EXOC6B: variants seen among roughly 807,000 people sequenced by gnomAD.
EXOC6B encodes the protein SEC15 homolog B.
EXOC6B carries 54 observed loss-of-function variants against 113.5 expected under a neutral mutation model. The ratio of observed to expected loss-of-function variants is 0.48; its 90% CI spans 0.38 to 0.60. EXOC6B has a LOEUF of 0.60. Among genes scored for constraint, EXOC6B ranks in the 20% least tolerant of loss-of-function variants. EXOC6B has a pLI of 0.00. For synonymous variants in EXOC6B, 357 were observed against 339.0 expected (o/e 1.05, Z -0.58); for missense variants, 797 against 977.5 (o/e 0.82, Z 2.46).
At chr2:72,202,353 A>G (rs564685243) in intron 20 of EXOC6B, among the ~76,000 whole-genome samples, 56 of 152,332 alleles carry the variant, frequency 3.7e-4, no homozygotes, top group African/African-American at 1.2e-3. Flanking sequence ...CCCTTTGTGA[A>G]CTTTAAAACA....
At chr2:72,434,773 G>A (rs1671574286) in intron 18 of EXOC6B, among the ~76,000 whole-genome samples, 1 of 152,020 alleles carries the variant, frequency 6.6e-6, no homozygotes, top group Non-Finnish European at 1.5e-5. Flanking sequence ...ATTTTTTATT[G>A]TGTCTATTTG....
chr2:72,398,897 A>C (rs1048561654), intron 18 of EXOC6B, among the ~76,000 whole-genome samples: 2 of 151,988 alleles, frequency 1.3e-5, no homozygotes, highest in Non-Finnish European at 2.9e-5. Flanking sequence ...TATAAAATAA[A>C]CTGTTTTCAA....
chr2:72,401,551 A>ATATACG, intron 18 of EXOC6B, among the ~76,000 whole-genome samples: 1 of 36,968 alleles, frequency 2.7e-5, no homozygotes, highest in East Asian at 4.6e-4. Context: ...ATATGTGTAT[A>ATATACG]TATATATATA....
intron 6 of EXOC6B, among the ~76,000 whole-genome samples, chr2:72,632,297 T>A (rs1298624571): frequency 4.6e-5 from 7 of 152,162 alleles, no homozygotes; most frequent in Non-Finnish European, 7.3e-5. Flanking sequence ...AAGAATAATA[T>A]CTGTTGGCAA....
At chr2:72,790,186 C>T (rs759311776) in intron 1 of EXOC6B, among the ~76,000 whole-genome samples, 2 of 152,100 alleles carry the variant, frequency 1.3e-5, no homozygotes, top group African/African-American at 2.4e-5. Context: ...AAAACACTTC[C>T]ACCCAAGGTA....
chr2:72,381,178 T>C (rs910727672), intron 18 of EXOC6B, among the ~76,000 whole-genome samples: 1 of 152,196 alleles, frequency 6.6e-6, no homozygotes, highest in Non-Finnish European at 1.5e-5. Context: ...TTATTTTACA[T>C]ATTTTGAAAC....
intron 19 of EXOC6B, among the ~76,000 whole-genome samples, chr2:72,376,297 T>C (rs1024609154): frequency 2.0e-5 from 3 of 152,178 alleles, no homozygotes; most frequent in Non-Finnish European, 4.4e-5. Flanking sequence ...GTCTTTATTT[T>C]CCGTTTATTT....
intron 1 of EXOC6B, among the ~76,000 whole-genome samples, chr2:72,749,537 C>A (rs910750961): frequency 2.6e-5 from 4 of 151,792 alleles, no homozygotes; most frequent in African/African-American, 9.7e-5. Flanking sequence ...AGTTTTGCCA[C>A]TACTTTTAAT....
chr2:72,485,270 A>G (rs1203163902), intron 16 of EXOC6B, among the ~76,000 whole-genome samples: 1 of 152,224 alleles, frequency 6.6e-6, no homozygotes, highest in Non-Finnish European at 1.5e-5. Flanking sequence ...TCCCAACTAT[A>G]AATTAATTCT....
At position 72,179,380 on chromosome 2, in the gene EXOC6B, G is replaced by A. The variant is rs760038238; in HGVS notation, c.2391C>T (p.Thr797=). ...TGAGTCCTCGGAGCTGCTTGGCCAC[G>A]GTGTCAATGAGTTTCTGCTTGTCTC... ...NERDKQKLID[T]VAKQLRGLIS... Residue 797 remains threonine (T), a synonymous_variant, in exon 22 of 22, where the codon ACC becomes ACT. Transcript: ENST00000272427. The A allele has an allele frequency of 1.9e-6, 3 of 1,613,444 alleles. No individual in the cohort carries two copies. Among genetic ancestry groups the A allele is most frequent in the South Asian group, 1.1e-5 (1 of 91,002 alleles).
chr2:72,439,148 T>C (rs781688886), intron 18 of EXOC6B, among the ~76,000 whole-genome samples: 5 of 152,190 alleles, frequency 3.3e-5, no homozygotes, highest in Non-Finnish European at 7.3e-5. Flanking sequence ...AGAATAATTA[T>C]TTGTAAAGCA....
intron 8 of EXOC6B, among the ~76,000 whole-genome samples, chr2:72,557,718 G>T (rs147446999): frequency 6.6e-6 from 1 of 151,980 alleles, no homozygotes; most frequent in Non-Finnish European, 1.5e-5. Context: ...GGGCTTAATT[G>T]CTGGGTAATG....
intron 18 of EXOC6B, among the ~76,000 whole-genome samples, chr2:72,408,578 TG>T (rs1693949802): frequency 6.6e-6 from 1 of 152,162 alleles, no homozygotes; most frequent in Non-Finnish European, 1.5e-5. Context: ...TACAACTATC[TG>T]ATGTTTGACA....
intron 1 of EXOC6B, among the ~76,000 whole-genome samples, chr2:72,775,244 G>A (rs944778601): frequency 1.3e-5 from 2 of 152,160 alleles, no homozygotes; most frequent in South Asian, 4.1e-4. Context: ...GAGGTTGGGG[G>A]AAGAAGTTGA....
At chr2:72,642,318 C>A (rs1331998523) in intron 6 of EXOC6B, among the ~76,000 whole-genome samples, 1 of 140,414 alleles carries the variant, frequency 7.1e-6, no homozygotes, top group Non-Finnish European at 1.5e-5. Context: ...CAATCCTAAG[C>A]CAAAAGAACA....
intron 19 of EXOC6B, among the ~76,000 whole-genome samples, chr2:72,337,977 A>G (rs997530550): frequency 6.6e-6 from 1 of 152,176 alleles, no homozygotes; most frequent in Non-Finnish European, 1.5e-5. Flanking sequence ...TGCCAATGAA[A>G]ATCTCTGGAT....
In EXOC6B at chr2:72,553,533, A is replaced by G. The variant is rs909098557; in HGVS notation, c.915+5920T>C. On this transcript the variant is annotated intron_variant, in intron 8 of 21. Coordinates refer to ENST00000272427, the MANE Select transcript of EXOC6B (RefSeq NM_015189.3). ...CATGAGAAGGGACTTATTTTATACC[A>G]TCTATATTTTGATATATTATAAAAT... 6.2e-4 allele frequency among the ~76,000 whole-genome samples: 95 copies of G among 152,052 alleles called. 1 individual carries two copies. The highest frequency in any genetic ancestry group is 3.4e-4 in the Non-Finnish European group (23 of 67,952).
chr2:72,452,890 T>C (rs1354562088), intron 18 of EXOC6B, among the ~76,000 whole-genome samples: 3 of 152,206 alleles, frequency 2.0e-5, no homozygotes, highest in Non-Finnish European at 2.9e-5. Context: ...TGCTCTTCTT[T>C]ATAATGATCA....
At chr2:72,543,922 T>C (rs1289260151) in intron 8 of EXOC6B, among the ~76,000 whole-genome samples, 1 of 152,180 alleles carries the variant, frequency 6.6e-6, no homozygotes, top group East Asian at 1.9e-4. Flanking sequence ...GGGCAAACTT[T>C]CCACATTAAA....
Sources: gnomAD v4.1 joint callset for allele counts (sites outside exome capture counted in the v4.1 genomes callset) on GRCh38, gnomAD v4.1.1 for gene constraint, MANE v1.5 for transcripts, NCBI Gene and HGNC (gene_info 2026-07-23, HGNC 2026-07-21) for gene names.